The following CHIA variants were observed in gnomAD, a reference collection of about 807,000 sequenced individuals.
CHIA encodes acidic mammalian chitinase.
In CHIA, 47 loss-of-function variants were observed where a neutral mutation model predicts 53.5. That is an observed-to-expected ratio of 0.88 (90% CI 0.70 to 1.12). CHIA has a LOEUF of 1.12. Ranked by LOEUF, CHIA falls within the 50% of genes most tolerant of loss-of-function variation. CHIA has a pLI of 0.00. For synonymous variants in CHIA, 268 were observed against 222.2 expected (o/e 1.21, Z -1.83); for missense variants, 652 against 592.2 (o/e 1.10, Z -1.05).
chr1:111,310,487 T>G lies in CHIA; in HGVS notation c.20T>G (p.Leu7Arg). ...GCAACCATGACAAAGCTTATTCTCC[T>G]CACAGGTGGGTTTGTAATCAGAGAT... MTKLIL[L>R]TGLVLILNLQ... The change falls in exon 2 of 12, where the codon CTC (leucine) becomes CGC (arginine). Residue 7 changes from leucine (L) to arginine (R), a missense_variant. Leu to Arg is a moderately radical substitution (Grantham distance 102). Coordinates refer to ENST00000369740, the MANE Select transcript of CHIA (RefSeq NM_201653.4). 6.2e-7 allele frequency: 1 copy of G among 1,614,196 alleles called. No individual in the cohort carries two copies. Among genetic ancestry groups the G allele is most frequent in the South Asian group, 1.1e-5 (1 of 91,074 alleles).
intron 11 of CHIA, 100 bp from the exon 12 acceptor site, chr1:111,320,113 C>T (rs372463192): frequency 2.0e-5 from 22 of 1,073,512 alleles, no homozygotes; most frequent in African/African-American, 1.3e-4. Flanking sequence ...CAACTGCACC[C>T]CACCTCCACA....
intron 11 of CHIA, 122 bp downstream of exon 11, chr1:111,319,590 T>C: frequency 1.1e-6 from 1 of 902,818 alleles, no homozygotes; most frequent in South Asian, 1.7e-5. Flanking sequence ...ACCTCACCGC[T>C]CTTGCCCAGA....
chr1:111,306,023 A>T (rs1206728090), intron 1 of CHIA, among the ~76,000 whole-genome samples: 1 of 152,220 alleles, frequency 6.6e-6, no homozygotes, highest in Non-Finnish European at 1.5e-5. Context: ...GTAATTTCTT[A>T]AGATGTGAAA....
chr1:111,318,157 A>G, intron 8 of CHIA, 48 bp downstream of exon 8: 2 of 1,483,982 alleles, frequency 1.3e-6, no homozygotes, highest in Non-Finnish European at 1.9e-6. Context: ...GATGATGAAA[A>G]TCACATAGAG....
chr1:111,302,331 T>A (rs1309646118), intron 1 of CHIA, among the ~76,000 whole-genome samples: 1 of 152,170 alleles, frequency 6.6e-6, no homozygotes, highest in Non-Finnish European at 1.5e-5. Flanking sequence ...TCTAGCTCCT[T>A]AGGTGTAATT....
chr1:111,318,995 TA>T (rs1649414137), intron 9 of CHIA, 124 bp from the exon 10 acceptor site: 1 of 1,341,364 alleles, frequency 7.5e-7, no homozygotes, highest in East Asian at 2.5e-5. Context: ...TTACTACAAA[TA>T]AAAACCTGTA....
chr1:111,299,626 A>T (rs1035974095), intron 1 of CHIA, among the ~76,000 whole-genome samples: 2 of 152,190 alleles, frequency 1.3e-5, no homozygotes. Flanking sequence ...ACCCACAGCC[A>T]ATATCACACT....
At position 111,317,713 on chromosome 1, in the gene CHIA, G is replaced by C. The variant is rs768505116; in HGVS notation, c.513G>C (p.Lys171Asn). The change falls in exon 7 of 12, where the codon AAG becomes AAC. Residue 171 changes from lysine to asparagine, a missense_variant. Coordinates refer to ENST00000369740, the MANE Select transcript of CHIA (RefSeq NM_201653.4). ...GTGAAGCTTTTGAGCAGGAGGCCAA[G>C]CAGATCAACAAGCCCAGGCTGATGG... ...EMREAFEQEAKQINKPRLMVT... is the reference protein window; with the variant it reads ...EMREAFEQEANQINKPRLMVT... 1.3e-5 allele frequency: 21 copies of C among 1,614,026 alleles called. No homozygotes were observed. The highest frequency in any genetic ancestry group is 8.5e-6 in the Non-Finnish European group (10 of 1,180,038).
intron 1 of CHIA, among the ~76,000 whole-genome samples, chr1:111,301,957 G>T (rs1647784483): frequency 6.6e-6 from 1 of 152,058 alleles, no homozygotes; most frequent in South Asian, 2.1e-4. Context: ...TAATGTAAAT[G>T]ACAAGTTATT....
chr1:111,298,163 C>T (rs1258482140), intron 1 of CHIA, among the ~76,000 whole-genome samples: 2 of 152,144 alleles, frequency 1.3e-5, no homozygotes, highest in East Asian at 1.9e-4. Context: ...TAACAACCCA[C>T]TGCCAATATT....
At chr1:111,302,005 T>A (rs1318911146) in intron 1 of CHIA, among the ~76,000 whole-genome samples, 1 of 152,182 alleles carries the variant, frequency 6.6e-6, no homozygotes, top group Non-Finnish European at 1.5e-5. Context: ...TATAGCTATG[T>A]AACAAACCTG....
In CHIA at chr1:111,315,362, A is replaced by T; in HGVS notation, c.407A>T (p.Asp136Val). The change falls in exon 6 of 12, where the codon GAC becomes GTC. Residue 136 changes from aspartate to valine, a missense_variant. Transcript: ENST00000369740. ...CGCCAGTATGAGTTTGACGGGCTGG[A>T]CTTTGACTGGGAGTACCCTGGCTCT... is the stretch of plus-strand genomic sequence containing the variant. ...FLRQYEFDGLDFDWEYPGSRG... is the reference protein window; with the variant it reads ...FLRQYEFDGLVFDWEYPGSRG... 6.2e-7 allele frequency: 1 copy of T among 1,613,936 alleles called. No homozygotes were observed. Among genetic ancestry groups the T allele is most frequent in the Non-Finnish European group, 8.5e-7 (1 of 1,179,968 alleles).
At chr1:111,294,489 C>A (rs1281150935) in intron 1 of CHIA, among the ~76,000 whole-genome samples, 1 of 152,100 alleles carries the variant, frequency 6.6e-6, no homozygotes, top group Non-Finnish European at 1.5e-5. Context: ...CTATATAAGA[C>A]CACATCTGCA....
chr1:111,291,042 A>G (rs1660983695), intron 1 of CHIA, 92 bp downstream of exon 1: 1 of 304,264 alleles, frequency 3.3e-6, no homozygotes, highest in South Asian at 2.7e-5. Flanking sequence ...CAAGTTGTTT[A>G]TTATATCGTT....
Position 111,314,702 on chromosome 1 carries a change from G to A in CHIA, c.314+106G>A. On this transcript the variant is annotated intron_variant, in intron 5 of 11. Transcript: ENST00000369740. ...TCACAATCTAAGACAGGGTATTGAGGATGTACATAAACAAATATATGAATT... is the reference window on the plus strand; with the variant it reads ...TCACAATCTAAGACAGGGTATTGAGAATGTACATAAACAAATATATGAATT... 3 of 735,172 alleles carry A rather than the reference G, an allele frequency of 4.1e-6. No homozygotes were observed. In the South Asian group the frequency reaches 5.1e-5, roughly 12 times the overall value. 45.5% of individuals were successfully genotyped at this position (735,172 alleles called of 1,614,324 possible).
chr1:111,291,320 A>G (rs1412011879), intron 1 of CHIA, among the ~76,000 whole-genome samples: 2 of 152,208 alleles, frequency 1.3e-5, no homozygotes, highest in African/African-American at 2.4e-5. Flanking sequence ...ATCACGGAAT[A>G]CTATGCAGCC....
intron 1 of CHIA, among the ~76,000 whole-genome samples, chr1:111,304,420 T>C (rs1458161513): frequency 6.6e-6 from 1 of 152,150 alleles, no homozygotes; most frequent in African/African-American, 2.4e-5. Context: ...CTCTCTTCAG[T>C]GTTCTTCAAT....
chr1:111,319,514 C>A, intron 11 of CHIA, 46 bp downstream of exon 11: 1 of 1,597,718 alleles, frequency 6.3e-7, no homozygotes, highest in Non-Finnish European at 8.6e-7. Context: ...TACCCCTTCT[C>A]CAACTCAAAA....
chr1:111,302,897 A>C (rs1647874750), intron 1 of CHIA, among the ~76,000 whole-genome samples: 1 of 152,022 alleles, frequency 6.6e-6, no homozygotes, highest in Non-Finnish European at 1.5e-5. Flanking sequence ...TTCTTCCTTT[A>C]ATTCTGTCAG....
Sources: gnomAD v4.1 joint callset for allele counts (sites outside exome capture counted in the v4.1 genomes callset) on GRCh38, gnomAD v4.1.1 for gene constraint, MANE v1.5 for transcripts, NCBI Gene and HGNC (gene_info 2026-07-23, HGNC 2026-07-21) for gene names.